PCDHGA7: variants seen among roughly 807,000 people sequenced by gnomAD.
PCDHGA7 encodes protocadherin gamma subfamily A, 7, also known as protocadherin gamma-A7.
In PCDHGA7, 44 loss-of-function variants were observed where a neutral mutation model predicts 58.3. The observed-to-expected ratio is 0.75, with a 90% CI of 0.59 to 0.97. The LOEUF (loss-of-function observed/expected upper bound fraction) is 0.97, where lower values mean the gene tolerates loss of function less well. Among genes scored for constraint, PCDHGA7 ranks in the 50% least tolerant of loss-of-function variants. The pLI is 0.00. For synonymous variants in PCDHGA7, 516 were observed against 504.2 expected, an observed-to-expected ratio of 1.02 and a Z score of -0.31; for missense variants, 1,266 against 1,188.7, an observed-to-expected ratio of 1.06 and a Z score of -0.96.
Position 141,487,532 on chromosome 5 carries a change from A to T in PCDHGA7, c.2425-7275A>T. 6.2e-7 allele frequency: 1 copy of T among 1,614,158 alleles called. No homozygotes were observed. The highest frequency in any genetic ancestry group is 8.5e-7 in the Non-Finnish European group (1 of 1,180,022). ...ACCCACTCGGAGTGATAGCTTCATG[A>T]TGGTGAAGTCACCCAGTGCACCTAT... is the stretch of plus-strand genomic sequence containing the variant. On this transcript the variant is annotated intron_variant, in intron 1 of 3. Transcript: ENST00000518325. This position sits in a 1 kb window ranked among gnomAD's most constrained non-coding sequence, Gnocchi z 5.0.
chr5:141,421,530 C>T (rs377652360), intron 1 of PCDHGA7: 274 of 1,613,922 alleles, frequency 1.7e-4, no homozygotes, highest in Non-Finnish European at 2.3e-4. Flanking sequence ...AGACGGTGTC[C>T]TCCTGTTTTT....
intron 1 of PCDHGA7, chr5:141,415,791 C>CTTT: frequency 1.5e-6 from 2 of 1,341,938 alleles, no homozygotes; most frequent in Non-Finnish European, 1.9e-6. Flanking sequence ...GTAAAATTCA[C>CTTT]CTAGTCTCAA....
chr5:141,490,473 T>C lies in PCDHGA7; in HGVS notation c.2425-4334T>C. 6.2e-7 allele frequency: 1 copy of C among 1,614,228 alleles called. No homozygotes were observed. Among genetic ancestry groups the C allele is most frequent in the East Asian group, 2.2e-5 (1 of 44,878 alleles). On this transcript the variant is annotated intron_variant, in intron 1 of 3. Transcript: ENST00000518325. This position sits in a 1 kb window ranked among gnomAD's most constrained non-coding sequence, Gnocchi z 5.4. ...ACTACTCGCTGCTAACCAGCCAGCC[T>C]TTGGACCGGGAGGCCACATCCCACT...
At position 141,487,215 on chromosome 5, in the gene PCDHGA7, C is replaced by G. The variant is rs1248989099; in HGVS notation, c.2425-7592C>G. 4 of 1,613,850 alleles carry G rather than the reference C, an allele frequency of 2.5e-6. No homozygotes were observed. Among genetic ancestry groups the G allele is most frequent in the East Asian group, 4.5e-5 (2 of 44,882 alleles). The stretch of plus-strand genomic sequence containing the variant: ...GTCCCAGATCTTCGAGAATCTTCAG[C>G]TCCAAGGGAAGGAGAATCTCGTCTA... On this transcript the variant is annotated intron_variant, in intron 1 of 3. Coordinates refer to ENST00000518325, the MANE Select transcript of PCDHGA7 (RefSeq NM_018920.4). This position sits in a 1 kb window ranked among gnomAD's most constrained non-coding sequence, Gnocchi z 5.0.
At chr5:141,422,618 A>G in intron 1 of PCDHGA7, 3 of 1,613,682 alleles carry the variant, frequency 1.9e-6, no homozygotes, top group Non-Finnish European at 2.5e-6. Flanking sequence ...TACATTCCCG[A>G]AAACAACCCC....
chr5:141,408,176 G>C, intron 1 of PCDHGA7: 1 of 1,533,992 alleles, frequency 6.5e-7, no homozygotes, highest in South Asian at 1.2e-5. Flanking sequence ...TGGAAAAGCG[G>C]GGACCCAGCG....
chr5:141,382,913 C>T lies in PCDHGA7; in HGVS notation c.14C>T (p.Pro5Leu), dbSNP rs1778570973. The T allele has an allele frequency of 6.4e-7, 1 of 1,553,116 alleles. No individual in the cohort carries two copies. The highest frequency in any genetic ancestry group is 2.0e-5 in the Admixed American group (1 of 50,076). The change falls in exon 1 of 4, where the codon CCG becomes CTG. Residue 5 changes from proline to leucine, a missense_variant. By Grantham distance (98) the Pro-to-Leu change is moderately conservative. Transcript: ENST00000518325. MAAQPRGGDYRGFFL... is the reference protein window; with the variant it reads MAAQLRGGDYRGFFL... ...AGCAGGACGACTATGGCGGCTCAGC[C>T]GAGGGGCGGGGACTACAGAGGATTC...
At chr5:141,394,493 C>G in intron 1 of PCDHGA7, 1 of 1,614,222 alleles carries the variant, frequency 6.2e-7, no homozygotes, top group Non-Finnish European at 8.5e-7. Flanking sequence ...ACAACGCGCC[C>G]GAGATCCTGT....
At chr5:141,418,922 C>A in intron 1 of PCDHGA7, 1 of 1,613,994 alleles carries the variant, frequency 6.2e-7, no homozygotes, top group Non-Finnish European at 8.5e-7. Context: ...ACTCTCTGAT[C>A]AGATTATGGA....
chr5:141,490,151 T>C lies in PCDHGA7; in HGVS notation c.2425-4656T>C, dbSNP rs1449636059. The stretch of plus-strand genomic sequence containing the variant: ...GACCCTAGCAGTGGGGCAATCCATG[T>C]GTTGGGTCCCATAGACTTTGAGGAG... On this transcript the variant is annotated intron_variant, in intron 1 of 3. Transcript: ENST00000518325. The surrounding 1 kb of genome is among the most constrained non-coding windows in gnomAD (Gnocchi z 5.4). 4 of 1,614,210 alleles carry C rather than the reference T, an allele frequency of 2.5e-6. No homozygotes were observed. The highest frequency in any genetic ancestry group is 3.4e-6 in the Non-Finnish European group (4 of 1,180,018).
chr5:141,471,444 A>T (rs1366430114), intron 1 of PCDHGA7: 1 of 152,150 alleles, frequency 6.6e-6, no homozygotes, highest in Non-Finnish European at 1.5e-5. Flanking sequence ...AATCTCATGT[A>T]CCTTTTGAAA....
In PCDHGA7 at chr5:141,485,340, C is replaced by T. The variant is rs139641513; in HGVS notation, c.2425-9467C>T. ...GTCGCTCAAGATTTCCTGCTGGATA[C>T]GGACAGTCTGTCAGCTCGCAGGCTG... is the stretch of plus-strand genomic sequence containing the variant. On this transcript the variant is annotated intron_variant, in intron 1 of 3. Coordinates refer to ENST00000518325, the MANE Select transcript of PCDHGA7 (RefSeq NM_018920.4). This position sits in a 1 kb window ranked among gnomAD's most constrained non-coding sequence, Gnocchi z 5.7. 1.2e-6 allele frequency: 2 copies of T among 1,613,958 alleles called. No individual in the cohort carries two copies. Among genetic ancestry groups the T allele is most frequent in the East Asian group, 2.2e-5 (1 of 44,884 alleles).
intron 2 of PCDHGA7, among the ~76,000 whole-genome samples, chr5:141,501,102 C>G (rs951290710): frequency 2.0e-5 from 3 of 152,014 alleles, no homozygotes; most frequent in African/African-American, 4.8e-5. Flanking sequence ...CTCTTGACCT[C>G]GTGATCCGCC....
intron 1 of PCDHGA7, chr5:141,427,758 A>T: frequency 7.4e-7 from 1 of 1,345,378 alleles, no homozygotes; most frequent in Non-Finnish European, 1.1e-6. Context: ...CATCGTTACC[A>T]CTGACTTGGA....
intron 1 of PCDHGA7, among the ~76,000 whole-genome samples, chr5:141,425,338 G>A (rs561085111): frequency 6.6e-6 from 1 of 152,290 alleles, no homozygotes; most frequent in African/African-American, 2.4e-5. Flanking sequence ...AAAAGGAAGG[G>A]TTGGCTTTGA....
intron 1 of PCDHGA7, chr5:141,394,791 C>G (rs919264078): frequency 6.2e-7 from 1 of 1,613,736 alleles, no homozygotes. Flanking sequence ...CACTGTCACG[C>G]TCACCGTAGC....
chr5:141,389,496 CCAGCGCT>C, intron 1 of PCDHGA7: 1 of 1,613,068 alleles, frequency 6.2e-7, no homozygotes, highest in Non-Finnish European at 8.5e-7. Context: ...CCAGGGCTCG[CCAGCGCT>C]CAGCGCGAAC....
intron 1 of PCDHGA7, among the ~76,000 whole-genome samples, chr5:141,446,356 A>G (rs73280911): frequency 0.088 from 13,411 of 152,284 alleles, 771 homozygotes; most frequent in African/African-American, 0.16. Flanking sequence ...CTACCATTTG[A>G]TGAGAATGGA....
At position 141,393,312 on chromosome 5, in the gene PCDHGA7, C is replaced by T. The variant is rs1308410982; in HGVS notation, c.2424+7989C>T. 8 of 1,613,494 alleles carry T rather than the reference C, an allele frequency of 5.0e-6. No homozygotes were observed. The East Asian group carries it at 8.9e-5, about 18-fold the overall frequency. On this transcript the variant is annotated intron_variant, in intron 1 of 3. Coordinates refer to ENST00000518325, the MANE Select transcript of PCDHGA7 (RefSeq NM_018920.4). ...TGACCCGGATGTGGGCGTGAACTCC[C>T]TCCAGAGCTACCAGCTCAGCCCCAA... is the stretch of plus-strand genomic sequence containing the variant.
Sources: gnomAD v4.1 joint callset for allele counts (sites outside exome capture counted in the v4.1 genomes callset) on GRCh38, gnomAD v4.1.1 for gene constraint, Gnocchi (gnomAD v3.1) non-coding constraint, MANE v1.5 for transcripts, NCBI Gene and HGNC (gene_info 2026-07-23, HGNC 2026-07-21) for gene names.